The following EXT1 variants were observed in gnomAD, a reference collection of about 807,000 sequenced individuals.
The protein encoded by EXT1 is exostosin glycosyltransferase 1.
EXT1 carries 20 observed loss-of-function variants against 82.5 expected under a neutral mutation model. That is an observed-to-expected ratio of 0.24 (90% confidence interval 0.17 to 0.35). The LOEUF (loss-of-function observed/expected upper bound fraction) is 0.35. Among genes scored for constraint, EXT1 ranks in the 10% least tolerant of loss-of-function variants. The pLI, the probability that EXT1 is intolerant of heterozygous loss-of-function variation, is 1.00. For synonymous variants in EXT1, 348 were observed against 350.8 expected (o/e 0.99, Z 0.09); for missense variants, 757 against 936.5 (o/e 0.81, Z 2.50).
chr8:117,875,655 C>A (rs886801228), intron 1 of EXT1, among the ~76,000 whole-genome samples: 1 of 151,926 alleles, frequency 6.6e-6, no homozygotes, highest in Non-Finnish European at 1.5e-5. Context: ...TAGATTTCCA[C>A]GGTATTCAAG....
chr8:117,873,602 C>T (rs979806163), intron 1 of EXT1, among the ~76,000 whole-genome samples: 9 of 151,828 alleles, frequency 5.9e-5, no homozygotes, highest in Admixed American at 1.3e-4. Flanking sequence ...ATTACAGGTG[C>T]ATGCCACCAC....
intron 1 of EXT1, among the ~76,000 whole-genome samples, chr8:117,961,085 AT>A (rs1453077636): frequency 6.6e-6 from 1 of 152,082 alleles, no homozygotes; most frequent in Non-Finnish European, 1.5e-5. Context: ...CTTTGACCAA[AT>A]TTCAGGGCAT....
In EXT1 at chr8:118,015,668, G is replaced by C. The variant is rs113600860; in HGVS notation, c.962+94417C>G. On this transcript the variant is annotated intron_variant, in intron 1 of 10. Coordinates refer to ENST00000378204, the MANE Select transcript of EXT1 (RefSeq NM_000127.3). ...AAAAGACGGCATCTAAACTAAGAAGGGGGTAATGCAGATGTTATGGGTGAA... is the reference window on the plus strand; with the variant it reads ...AAAAGACGGCATCTAAACTAAGAAGCGGGTAATGCAGATGTTATGGGTGAA... Among the ~76,000 whole-genome samples the C allele has an allele frequency of 1.3e-5, 2 of 152,154 alleles. 1 individual carries two copies. Among genetic ancestry groups the C allele is most frequent in the South Asian group, 4.1e-4 (2 of 4,824 alleles).
chr8:117,890,785 T>A (rs9692869), intron 1 of EXT1, among the ~76,000 whole-genome samples: 14 of 152,012 alleles, frequency 9.2e-5, no homozygotes, highest in African/African-American at 3.4e-4. Flanking sequence ...TCATCCCATC[T>A]TGTAAGATCT....
At chr8:118,011,015 G>C (rs188005509) in intron 1 of EXT1, among the ~76,000 whole-genome samples, 54 of 152,322 alleles carry the variant, frequency 3.5e-4, no homozygotes, top group Admixed American at 3.0e-3. Flanking sequence ...GGAAATGGGA[G>C]AGCCATCAAG....
chr8:117,997,767 A>G (rs1193143044), intron 1 of EXT1, among the ~76,000 whole-genome samples: 1 of 152,180 alleles, frequency 6.6e-6, no homozygotes, highest in Non-Finnish European at 1.5e-5. Flanking sequence ...ATGATATTTT[A>G]TAAGTTAATA....
intron 1 of EXT1, among the ~76,000 whole-genome samples, chr8:118,030,997 G>A (rs1284177051): frequency 6.6e-6 from 1 of 152,086 alleles, no homozygotes; most frequent in East Asian, 1.9e-4. Context: ...ATCTAAGAAG[G>A]AGCATACAAA....
At chr8:118,109,963 C>T in intron 1 of EXT1, 122 bp downstream of exon 1, 1 of 1,511,478 alleles carries the variant, frequency 6.6e-7, no homozygotes, top group Non-Finnish European at 9.1e-7. Context: ...CAGTTCCAGG[C>T]TCAAAGGGGA....
At chr8:117,861,488 CTTTT>C (rs755653091) in intron 1 of EXT1, among the ~76,000 whole-genome samples, 3 of 86,818 alleles carry the variant, frequency 3.5e-5, no homozygotes, top group Admixed American at 3.1e-4. Context: ...AAGTTTTTAT[CTTTT>C]TTTTTTTTTT....
In EXT1 at chr8:118,026,495, AG is replaced by A. The variant is rs1160037361; in HGVS notation, c.962+83589del. Among the ~76,000 whole-genome samples the A allele has an allele frequency of 2.6e-5, 4 of 152,290 alleles. No individual in the cohort carries two copies. In the East Asian group the frequency reaches 7.7e-4, roughly 29 times the overall value. On this transcript the variant is annotated intron_variant, in intron 1 of 10. Coordinates refer to ENST00000378204, the MANE Select transcript of EXT1 (RefSeq NM_000127.3). ...CAATATAAACTGTGAAATTCCTAAA[AG>A]GGCAACACAAACTTTTGAGATTTCG... is the stretch of plus-strand genomic sequence containing the variant.
At chr8:118,041,471 AAT>A (rs1271781130) in intron 1 of EXT1, among the ~76,000 whole-genome samples, 1 of 152,180 alleles carries the variant, frequency 6.6e-6, no homozygotes, top group Non-Finnish European at 1.5e-5. Flanking sequence ...TAGGGATAAT[AAT>A]AGTATCTTAC....
intron 1 of EXT1, among the ~76,000 whole-genome samples, chr8:117,973,800 A>AGAAAGGAAAGGAAAGGAAAG (rs1211158489): frequency 1.1e-3 from 46 of 43,360 alleles, no homozygotes; most frequent in Admixed American, 2.1e-3. Flanking sequence ...AAAAGAAAAG[A>AGAAAGGAAAGGAAAGGAAAG]GAAAGGAAAG....
intron 1 of EXT1, among the ~76,000 whole-genome samples, chr8:117,963,948 C>G (rs1048178436): frequency 1.3e-5 from 2 of 152,192 alleles, no homozygotes; most frequent in Non-Finnish European, 2.9e-5. Context: ...CATCCCCTCC[C>G]AACCCTTTCA....
chr8:118,008,636 A>AT (rs2129827615), intron 1 of EXT1, among the ~76,000 whole-genome samples: 1 of 152,086 alleles, frequency 6.6e-6, no homozygotes, highest in African/African-American at 2.4e-5. Flanking sequence ...ATTCAATACC[A>AT]TTTTTCTGTG....
intron 1 of EXT1, among the ~76,000 whole-genome samples, chr8:118,014,339 C>CA (rs1253847219): frequency 6.6e-6 from 1 of 152,166 alleles, no homozygotes; most frequent in African/African-American, 2.4e-5. Context: ...TTATCCCACC[C>CA]AAAAAGGTCA....
chr8:118,030,020 A>T lies in EXT1; in HGVS notation c.962+80065T>A, dbSNP rs1362710079. Reference sequence around the variant, plus strand: ...TGCACACTGCCAAAACTTGAGAATGATATTTATCCAGAAAATTCCCAGGGA... The same window carrying T: ...TGCACACTGCCAAAACTTGAGAATGTTATTTATCCAGAAAATTCCCAGGGA... On this transcript the variant is annotated intron_variant, in intron 1 of 10. Coordinates refer to ENST00000378204, the MANE Select transcript of EXT1 (RefSeq NM_000127.3). Among the ~76,000 whole-genome samples the T allele has an allele frequency of 3.3e-5, 5 of 152,336 alleles. No homozygotes were observed. In the East Asian group the frequency reaches 9.6e-4, roughly 29 times the overall value.
At chr8:117,899,115 G>A (rs1813396391) in intron 1 of EXT1, among the ~76,000 whole-genome samples, 1 of 152,142 alleles carries the variant, frequency 6.6e-6, no homozygotes, top group Non-Finnish European at 1.5e-5. Context: ...ATACTGATAA[G>A]CACACATTTA....
chr8:117,999,957 C>CAT (rs1188867365), intron 1 of EXT1, among the ~76,000 whole-genome samples: 3 of 132,738 alleles, frequency 2.3e-5, no homozygotes, highest in Admixed American at 1.6e-4. Flanking sequence ...TATGTATGTG[C>CAT]GTGTATATAT....
chr8:117,958,566 A>G (rs577055902), intron 1 of EXT1, among the ~76,000 whole-genome samples: 1 of 152,232 alleles, frequency 6.6e-6, no homozygotes, highest in Non-Finnish European at 1.5e-5. Flanking sequence ...ACTAAAAATA[A>G]TCTTTCTATT....
Sources: allele counts gnomAD v4.1 joint callset (sites outside exome capture counted in the v4.1 genomes callset), GRCh38; gene constraint gnomAD v4.1.1; transcripts MANE v1.5; gene names NCBI Gene and HGNC (gene_info 2026-07-23, HGNC 2026-07-21).